Variants in PCDH15 observed in about 807,000 individuals in gnomAD.
The protein encoded by PCDH15 is protocadherin related 15.
PCDH15 carries 129 observed loss-of-function variants against 178.5 expected under a neutral mutation model. The ratio of observed to expected loss-of-function variants is 0.72; its 90% CI spans 0.63 to 0.84. The LOEUF (loss-of-function observed/expected upper bound fraction) is 0.84. Among genes scored for constraint, PCDH15 ranks in the 40% least tolerant of loss-of-function variants. The probability of loss-of-function intolerance (pLI) is 0.00; values close to 1 mark genes in which losing one functional copy is unlikely to be tolerated. For missense variants in PCDH15, 2,230 were observed against 2,099.9 expected (o/e 1.06, Z -1.21); for synonymous variants, 800 against 732.0 (o/e 1.09, Z -1.50).
intron 29 of PCDH15, among the ~76,000 whole-genome samples, chr10:53,832,342 T>C (rs913527351): frequency 1.3e-5 from 2 of 152,018 alleles, no homozygotes; most frequent in Admixed American, 6.5e-5. Context: ...TTTAATATCA[T>C]AATTAGCAGG....
At chr10:54,781,380 A>C (rs1162175994) in intron 1 of PCDH15, among the ~76,000 whole-genome samples, 1 of 152,054 alleles carries the variant, frequency 6.6e-6, no homozygotes, top group Non-Finnish European at 1.5e-5. Flanking sequence ...GTACTCACAA[A>C]ATTTAATACA....
chr10:55,082,663 A>T (rs1842072842), intron 2 of PCDH15, among the ~76,000 whole-genome samples: 2 of 151,608 alleles, frequency 1.3e-5, no homozygotes, highest in East Asian at 3.9e-4. Context: ...CTTGAATTAA[A>T]CTAAAAAAGA....
chr10:54,967,941 T>A (rs540174253), intron 2 of PCDH15, among the ~76,000 whole-genome samples: 1 of 152,162 alleles, frequency 6.6e-6, no homozygotes, highest in Non-Finnish European at 1.5e-5. Flanking sequence ...AACACAACAG[T>A]CAAATTTAAG....
chr10:54,948,982 C>A (rs1838262125), intron 2 of PCDH15, among the ~76,000 whole-genome samples: 1 of 151,668 alleles, frequency 6.6e-6, no homozygotes, highest in African/African-American at 2.4e-5. Context: ...CACATATGCA[C>A]ATACTGTACA....
At chr10:53,920,928 T>C (rs2083943961) in intron 25 of PCDH15, among the ~76,000 whole-genome samples, 1 of 152,212 alleles carries the variant, frequency 6.6e-6, no homozygotes, top group Non-Finnish European at 1.5e-5. Context: ...TATTTATCTA[T>C]ATATCTTTGC....
intron 2 of PCDH15, among the ~76,000 whole-genome samples, chr10:55,548,173 C>T (rs566142130): frequency 2.9e-4 from 43 of 149,174 alleles, no homozygotes; most frequent in South Asian, 1.9e-3. Flanking sequence ...GGAGCAGAAA[C>T]GAACTGCTCC....
intron 25 of PCDH15, among the ~76,000 whole-genome samples, chr10:53,933,349 C>T (rs11003935): frequency 3.3e-5 from 5 of 150,472 alleles, no homozygotes; most frequent in African/African-American, 7.4e-5. Context: ...AACAGTCCCC[C>T]GTGTGTGATG....
At chr10:54,882,632 T>C (rs549167475) in intron 3 of PCDH15, among the ~76,000 whole-genome samples, 9 of 152,184 alleles carry the variant, frequency 5.9e-5, no homozygotes, top group African/African-American at 2.2e-4. Flanking sequence ...ACTTTCCTTA[T>C]AATGTTTTAC....
At chr10:55,194,639 G>T (rs931902744) in intron 1 of PCDH15, among the ~76,000 whole-genome samples, 1 of 151,792 alleles carries the variant, frequency 6.6e-6, no homozygotes, top group African/African-American at 2.4e-5. Flanking sequence ...TGTAATGGAG[G>T]AATAAGACAT....
At chr10:54,641,920 A>T (rs7084610) in intron 2 of PCDH15, among the ~76,000 whole-genome samples, 3,455 of 152,050 alleles carry the variant, frequency 0.023, 146 homozygotes, top group African/African-American at 0.079. Context: ...GAAGACTAAA[A>T]TTATTATCAT....
At chr10:54,238,481 G>A (rs905955499) in intron 8 of PCDH15, among the ~76,000 whole-genome samples, 2 of 151,904 alleles carry the variant, frequency 1.3e-5, no homozygotes, top group African/African-American at 4.8e-5. Flanking sequence ...AATGTTATCA[G>A]TATTTTCCTG....
chr10:55,585,982 C>T (rs1376166287), intron 2 of PCDH15, among the ~76,000 whole-genome samples: 1 of 152,096 alleles, frequency 6.6e-6, no homozygotes. Flanking sequence ...GTAAAAGACT[C>T]TATCCAGCTC....
intron 35 of PCDH15, among the ~76,000 whole-genome samples, chr10:53,812,021 AC>A: frequency 6.6e-6 from 1 of 152,076 alleles, no homozygotes; most frequent in East Asian, 1.9e-4. Context: ...AAAAATTATA[AC>A]ACTATCTACA....
chr10:55,445,279 T>C (rs1189066563), intron 2 of PCDH15, among the ~76,000 whole-genome samples: 2 of 152,100 alleles, frequency 1.3e-5, no homozygotes, highest in Non-Finnish European at 2.9e-5. Context: ...CTGCTTTTTT[T>C]TTCTGCATCC....
intron 2 of PCDH15, among the ~76,000 whole-genome samples, chr10:55,555,772 C>T (rs1842078218): frequency 6.6e-6 from 1 of 151,838 alleles, no homozygotes. Context: ...CTAAAATGTA[C>T]ATGCATAGAA....
At chr10:55,226,582 A>G (rs940934953) in intron 1 of PCDH15, among the ~76,000 whole-genome samples, 1 of 151,772 alleles carries the variant, frequency 6.6e-6, no homozygotes, top group Non-Finnish European at 1.5e-5. Context: ...GGGTTTCATC[A>G]TGTTGGCCAG....
intron 3 of PCDH15, among the ~76,000 whole-genome samples, chr10:54,392,898 CAAAA>C (rs35154394): frequency 1.4e-5 from 1 of 72,250 alleles, no homozygotes; most frequent in Admixed American, 1.5e-4. Context: ...GACTCAGGCT[CAAAA>C]AAAAAAAAAA....
chr10:54,784,811 T>C (rs1450635831), intron 1 of PCDH15, among the ~76,000 whole-genome samples: 1 of 152,138 alleles, frequency 6.6e-6, no homozygotes, highest in Non-Finnish European at 1.5e-5. Flanking sequence ...TTGTTTTGTT[T>C]ATATCTTTAT....
At chr10:54,146,920 G>GTGTGTATATATATAA (rs2043985459) in intron 14 of PCDH15, among the ~76,000 whole-genome samples, 1 of 141,332 alleles carries the variant, frequency 7.1e-6, no homozygotes, top group East Asian at 2.0e-4. Context: ...TATATATATA[G>GTGTGTATATATATAA]TGTATATATA....
Sources: gnomAD v4.1 joint callset for allele counts (sites outside exome capture counted in the v4.1 genomes callset) on GRCh38, gnomAD v4.1.1 for gene constraint, MANE v1.5 for transcripts, NCBI Gene and HGNC (gene_info 2026-07-23, HGNC 2026-07-21) for gene names.